The following TTYH2 variants were observed in gnomAD, a reference collection of about 807,000 sequenced individuals.
TTYH2 encodes tweety family member 2, also known as protein tweety homolog 2.
A neutral mutation model predicts 68.3 loss-of-function variants in TTYH2; 49 were observed. The observed-to-expected ratio is 0.72, with a 90% CI of 0.57 to 0.91. TTYH2 has a LOEUF of 0.91. Ranked by LOEUF, TTYH2 falls within the 40% of genes least tolerant of loss-of-function variation. The pLI, the probability that TTYH2 is intolerant of heterozygous loss-of-function variation, is 0.00. For missense variants in TTYH2, 631 were observed against 700.4 expected (o/e 0.90, Z 1.12); for synonymous variants, 272 against 300.8 (o/e 0.90, Z 0.99).
At chr17:74,250,445 G>A in intron 10 of TTYH2, 88 bp downstream of exon 10, 2 of 1,126,386 alleles carry the variant, frequency 1.8e-6, no homozygotes, top group Non-Finnish European at 2.6e-6. Context: ...AGGCCGAGGG[G>A]AGCGATGGCC....
intron 1 of TTYH2, among the ~76,000 whole-genome samples, chr17:74,220,857 G>T (rs1449305855): frequency 6.6e-6 from 1 of 152,036 alleles, no homozygotes; most frequent in Non-Finnish European, 1.5e-5. Flanking sequence ...TGCAATCATG[G>T]TTCACTGCAG....
intron 13 of TTYH2, among the ~76,000 whole-genome samples, chr17:74,259,228 G>A (rs1192694804): frequency 2.6e-5 from 4 of 151,850 alleles, no homozygotes; most frequent in East Asian, 1.9e-4. Context: ...TTTTTTTTAA[G>A]AGAGAGGGTC....
At chr17:74,238,735 C>T (rs568218672) in intron 4 of TTYH2, among the ~76,000 whole-genome samples, 3 of 150,342 alleles carry the variant, frequency 2.0e-5, no homozygotes, top group African/African-American at 7.3e-5. Flanking sequence ...GGCGTGGTGG[C>T]GCATGCCTGT....
chr17:74,219,487 ATG>A (rs1226656944), intron 1 of TTYH2, among the ~76,000 whole-genome samples: 2 of 151,824 alleles, frequency 1.3e-5, no homozygotes, highest in Non-Finnish European at 2.9e-5. Flanking sequence ...CGTGCGTGGT[ATG>A]TGTGTGTGTG....
chr17:74,248,813 G>A (rs1462349732), intron 6 of TTYH2, 198 bp from the exon 7 acceptor site: 5 of 1,424,318 alleles, frequency 3.5e-6, no homozygotes, highest in Middle Eastern at 2.6e-4. Context: ...GGCACAGGAA[G>A]AATAAGTAAC....
rs1429478036 is a variant in TTYH2, at chr17:74,232,952, ACT to A, written c.414+1958_414+1959del. On this transcript the variant is annotated intron_variant, in intron 3 of 13. Transcript: ENST00000269346. The surrounding 1 kb of genome is among the most constrained non-coding windows in gnomAD (Gnocchi z 5.1). The stretch of plus-strand genomic sequence containing the variant: ...GTTTGGACATTTCACAGCAGGTTCC[ACT>A]CTCTGAAATCCCTGCTCCAGGGCCA... Among the ~76,000 whole-genome samples, 3 of 151,804 alleles carry A rather than the reference ACT, an allele frequency of 2.0e-5. No individual in the cohort carries two copies. Among genetic ancestry groups the A allele is most frequent in the Non-Finnish European group, 2.9e-5 (2 of 67,942 alleles).
intron 6 of TTYH2, among the ~76,000 whole-genome samples, chr17:74,245,782 C>T (rs1411786406): frequency 6.6e-6 from 1 of 152,146 alleles, no homozygotes; most frequent in Non-Finnish European, 1.5e-5. Flanking sequence ...GCCGGCTGTC[C>T]CGGGGTTGTT....
rs1427694408 is a variant in TTYH2 at position 74,241,606 on chromosome 17, A to G, written c.636-1768A>G. Among the ~76,000 whole-genome samples, 1 of 151,970 alleles carries G rather than the reference A, an allele frequency of 6.6e-6. No homozygotes were observed. The highest frequency in any genetic ancestry group is 2.4e-5 in the African/African-American group (1 of 41,358). ...CTCTCTCCCTCGGAGCCTCTTTGCC[A>G]CTTTCTGCCAGCTCCAGGGCACTCC... On this transcript the variant is annotated intron_variant, in intron 4 of 13. Coordinates refer to ENST00000269346, the MANE Select transcript of TTYH2 (RefSeq NM_032646.6). This position sits in a 1 kb window ranked among gnomAD's most constrained non-coding sequence, Gnocchi z 4.1.
chr17:74,252,453 A>G, intron 11 of TTYH2, 77 bp downstream of exon 11: 1 of 1,530,130 alleles, frequency 6.5e-7, no homozygotes, highest in South Asian at 1.2e-5. Context: ...CCTCTGCTCT[A>G]CGATTTAGCT....
intron 1 of TTYH2, among the ~76,000 whole-genome samples, chr17:74,221,413 T>C (rs1321047096): frequency 6.6e-6 from 1 of 152,190 alleles, no homozygotes; most frequent in East Asian, 1.9e-4. Context: ...CGCAGGGTCC[T>C]GGAGTACCCC....
chr17:74,224,077 G>A (rs1415771130), intron 2 of TTYH2, among the ~76,000 whole-genome samples: 1 of 152,240 alleles, frequency 6.6e-6, no homozygotes, highest in Non-Finnish European at 1.5e-5. Context: ...GCGGTTCCCA[G>A]TACAGTGGAA....
chr17:74,233,437 A>G lies in TTYH2; in HGVS notation c.414+2438A>G, dbSNP rs569436266. ...ACTGTAAAGTACACTCAGCTGTATGACTGTGATTATGAGTGCTATTAATTA... is the reference window on the plus strand; with the variant it reads ...ACTGTAAAGTACACTCAGCTGTATGGCTGTGATTATGAGTGCTATTAATTA... On this transcript the variant is annotated intron_variant, in intron 3 of 13. Transcript: ENST00000269346. Among the ~76,000 whole-genome samples the G allele has an allele frequency of 6.0e-4, 91 of 152,336 alleles. No homozygotes were observed. The Middle Eastern group carries it at 0.02, about 34-fold the overall frequency.
chr17:74,248,861 G>A (rs2050588624), intron 6 of TTYH2, 150 bp from the exon 7 acceptor site: 1 of 1,485,670 alleles, frequency 6.7e-7, no homozygotes, highest in Non-Finnish European at 8.9e-7. Context: ...GGCAGAGCCA[G>A]GTTTGAACCC....
chr17:74,251,215 T>C lies in TTYH2; in HGVS notation c.1116+858T>C, dbSNP rs529329723. On this transcript the variant is annotated intron_variant, in intron 10 of 13. Transcript: ENST00000269346. ...GCTGTGCATGCGTGTGTGTGGTGCA[T>C]GTGTATGTGCCTGTATGTGTGTGTG... Among the ~76,000 whole-genome samples, 3 of 151,468 alleles carry C rather than the reference T, an allele frequency of 2.0e-5. No individual in the cohort carries two copies. The East Asian group carries it at 5.8e-4, about 29-fold the overall frequency.
At chr17:74,256,533 C>T (rs1343774667) in intron 13 of TTYH2, among the ~76,000 whole-genome samples, 2 of 152,222 alleles carry the variant, frequency 1.3e-5, no homozygotes. Context: ...AGCACCTCAC[C>T]TGCTGTCCCA....
intron 6 of TTYH2, among the ~76,000 whole-genome samples, chr17:74,247,181 C>CAA (rs71157049): frequency 4.5e-4 from 35 of 77,166 alleles, no homozygotes; most frequent in African/African-American, 1.1e-3. Flanking sequence ...GACTCTGTCT[C>CAA]AAAAAAAAAA....
chr17:74,248,171 GA>G, intron 6 of TTYH2: 2 of 693,792 alleles, frequency 2.9e-6, no homozygotes, highest in Non-Finnish European at 3.5e-6. Flanking sequence ...AGAGGAGGGG[GA>G]CATCCCTAAG....
chr17:74,252,238 A>G lies in TTYH2; in HGVS notation c.1121A>G (p.Tyr374Cys), dbSNP rs1434260622. 6 of 1,612,544 alleles carry G rather than the reference A, an allele frequency of 3.7e-6. No homozygotes were observed. The highest frequency in any genetic ancestry group is 4.2e-6 in the Non-Finnish European group (5 of 1,180,014). ...MVDCRGLHKD[Y>C]LDALAGICYD... Reference sequence around the variant, plus strand: ...ATGTCCCTCCTCTTCCTCCAGGATTATCTGGACGCTCTTGCTGGCATCTGC... The same window carrying G: ...ATGTCCCTCCTCTTCCTCCAGGATTGTCTGGACGCTCTTGCTGGCATCTGC... The change falls in exon 11 of 14, where the codon TAT (tyrosine) becomes TGT (cysteine). Residue 374 changes from tyrosine (Y) to cysteine (C), a missense_variant. Physicochemically the swap from Tyr to Cys is radical, Grantham distance 194. Coordinates refer to ENST00000269346, the MANE Select transcript of TTYH2 (RefSeq NM_032646.6).
Position 74,260,114 on chromosome 17 carries a change from C to G in TTYH2, c.1525-15C>G. ...TGACTCAGCTCTGACCATCCCCTCT[C>G]TTCTCTCTTGGCAGTACTCTCCCAG... On this transcript the variant is annotated splice_polypyrimidine_tract_variant and intron_variant, in intron 13 of 13. Coordinates refer to ENST00000269346, the MANE Select transcript of TTYH2 (RefSeq NM_032646.6). 6.2e-7 allele frequency: 1 copy of G among 1,612,770 alleles called. No individual in the cohort carries two copies. The highest frequency in any genetic ancestry group is 1.3e-5 in the African/African-American group (1 of 74,958).
Sources: gnomAD v4.1 joint callset for allele counts (sites outside exome capture counted in the v4.1 genomes callset) on GRCh38, gnomAD v4.1.1 for gene constraint, Gnocchi (gnomAD v3.1) non-coding constraint, MANE v1.5 for transcripts, NCBI Gene and HGNC (gene_info 2026-07-23, HGNC 2026-07-21) for gene names.